Variants in NCKAP5 observed in about 807,000 individuals in gnomAD.
The protein encoded by NCKAP5 is NCK associated protein 5.
Under a neutral mutation model 167.0 loss-of-function variants are expected in NCKAP5, and 92 were observed. The ratio of observed to expected loss-of-function variants is 0.55; its 90% CI spans 0.47 to 0.66. The LOEUF is 0.66. NCKAP5 is among the 30% of genes least tolerant of loss of function. The probability of loss-of-function intolerance (pLI) is 0.00; values close to 1 mark genes in which losing one functional copy is unlikely to be tolerated. For synonymous variants in NCKAP5, 891 were observed against 877.4 expected (o/e 1.02, Z -0.27); for missense variants, 2,378 against 2,315.0 (o/e 1.03, Z -0.56).
intron 8 of NCKAP5, among the ~76,000 whole-genome samples, chr2:132,885,864 T>A (rs1018331104): frequency 2.0e-5 from 3 of 152,048 alleles, no homozygotes; most frequent in African/African-American, 7.2e-5. Context: ...GGTAGACTAC[T>A]AGCTCTACAC....
At chr2:132,868,328 A>G (rs74532358) in intron 10 of NCKAP5, among the ~76,000 whole-genome samples, 4,260 of 152,280 alleles carry the variant, frequency 0.028, 82 homozygotes, top group Non-Finnish European at 0.044. Flanking sequence ...GTCTGCCCCA[A>G]TAATGTGATC....
chr2:133,617,995 T>A, the NCKAP5 span, among the ~76,000 whole-genome samples: 2 of 151,982 alleles, frequency 1.3e-5, no homozygotes, highest in Non-Finnish European at 2.9e-5. Context: ...TCAGAAATAA[T>A]GCCCCATATC....
chr2:133,111,214 C>G (rs764435893), intron 6 of NCKAP5, among the ~76,000 whole-genome samples: 1 of 152,122 alleles, frequency 6.6e-6, no homozygotes, highest in African/African-American at 2.4e-5. Flanking sequence ...TCTGCTTTGA[C>G]CAATTTAAGT....
intron 16 of NCKAP5, among the ~76,000 whole-genome samples, chr2:132,766,278 C>CAAAAAA (rs70973405): frequency 5.2e-5 from 2 of 38,408 alleles, no homozygotes; most frequent in African/African-American, 9.1e-5. Context: ...GATTCTGTCT[C>CAAAAAA]AAAAAAAAAA....
At chr2:133,669,695 A>G in the NCKAP5 span, among the ~76,000 whole-genome samples, 1 of 152,226 alleles carries the variant, frequency 6.6e-6, no homozygotes, top group African/African-American at 2.4e-5. Flanking sequence ...AACCAAACAT[A>G]TGGCATGGGT....
intron 11 of NCKAP5, 71 bp downstream of exon 11, chr2:132,860,421 C>T: frequency 1.3e-6 from 2 of 1,516,304 alleles, no homozygotes. Flanking sequence ...ATGTTGCTAA[C>T]TTCTGAACTT....
chr2:133,155,394 C>T (rs1314355910), intron 5 of NCKAP5, among the ~76,000 whole-genome samples: 2 of 152,172 alleles, frequency 1.3e-5, no homozygotes, highest in Admixed American at 6.5e-5. Context: ...AGAATCTGCA[C>T]CTCTAACTAG....
intron 10 of NCKAP5, among the ~76,000 whole-genome samples, chr2:132,867,522 G>A (rs1306451391): frequency 6.6e-6 from 1 of 152,156 alleles, no homozygotes; most frequent in Non-Finnish European, 1.5e-5. Flanking sequence ...GATGTATGTA[G>A]TAATGTATGA....
intron 5 of NCKAP5, among the ~76,000 whole-genome samples, chr2:133,190,290 G>T (rs562549376): frequency 8.6e-4 from 131 of 152,242 alleles, no homozygotes; most frequent in Non-Finnish European, 1.6e-3. Context: ...CAAACAAATG[G>T]AAGAACATTC....
At chr2:133,205,063 T>C (rs939423236) in intron 5 of NCKAP5, among the ~76,000 whole-genome samples, 1 of 152,074 alleles carries the variant, frequency 6.6e-6, no homozygotes, top group Non-Finnish European at 1.5e-5. Flanking sequence ...CTGAGGCTGG[T>C]GGATCCCTTG....
At chr2:133,125,652 C>T (rs1384898780) in intron 6 of NCKAP5, among the ~76,000 whole-genome samples, 1 of 152,172 alleles carries the variant, frequency 6.6e-6, no homozygotes, top group Non-Finnish European at 1.5e-5. Context: ...TCACCACCTG[C>T]CTCTAACTAC....
chr2:132,895,346 C>CAAAAAAA (rs563409400), intron 8 of NCKAP5, among the ~76,000 whole-genome samples: 2 of 71,922 alleles, frequency 2.8e-5, no homozygotes, highest in African/African-American at 3.8e-5. Flanking sequence ...GACTCTGTCT[C>CAAAAAAA]AAAAAAAAAA....
chr2:133,498,292 T>C (rs552084977), intron 3 of NCKAP5, among the ~76,000 whole-genome samples: 1 of 152,192 alleles, frequency 6.6e-6, no homozygotes, highest in South Asian at 2.1e-4. Flanking sequence ...GACCCAGACA[T>C]GTTCCTGGAT....
At chr2:132,817,397 T>C (rs1686359399) in intron 11 of NCKAP5, among the ~76,000 whole-genome samples, 1 of 152,184 alleles carries the variant, frequency 6.6e-6, no homozygotes, top group African/African-American at 2.4e-5. Context: ...GGTTTATCAC[T>C]ACGTAATGGG....
At chr2:132,713,017 G>T (rs1454337120) in intron 19 of NCKAP5, among the ~76,000 whole-genome samples, 1 of 152,184 alleles carries the variant, frequency 6.6e-6, no homozygotes, top group African/African-American at 2.4e-5. Context: ...CACTGACATG[G>T]AATGATCTCC....
intron 19 of NCKAP5, among the ~76,000 whole-genome samples, chr2:132,704,467 C>T (rs527769788): frequency 6.6e-6 from 1 of 152,328 alleles, no homozygotes; most frequent in South Asian, 2.1e-4. Context: ...AACACCTGAG[C>T]TGTGATCTCT....
At chr2:133,062,300 C>CTATA (rs1198425267) in intron 6 of NCKAP5, among the ~76,000 whole-genome samples, 3 of 152,172 alleles carry the variant, frequency 2.0e-5, no homozygotes, top group Non-Finnish European at 4.4e-5. Context: ...TAACGTATCA[C>CTATA]TATATGAGGC....
the NCKAP5 span, among the ~76,000 whole-genome samples, chr2:133,584,941 AGAAGGAAGGAAG>A: frequency 8.7e-3 from 986 of 113,866 alleles, 12 homozygotes; most frequent in East Asian, 0.024. Flanking sequence ...AAAAAAAGAA[AGAAGGAAGGAAG>A]GAAGGAAGGA....
chr2:133,074,316 T>G (rs2080520164), intron 6 of NCKAP5, among the ~76,000 whole-genome samples: 1 of 151,588 alleles, frequency 6.6e-6, no homozygotes, highest in South Asian at 2.1e-4. Context: ...TTGAAATAAA[T>G]GAAAAAAAGC....
Sources: gnomAD v4.1 joint callset for allele counts (sites outside exome capture counted in the v4.1 genomes callset) on GRCh38, gnomAD v4.1.1 for gene constraint, MANE v1.5 for transcripts, NCBI Gene and HGNC (gene_info 2026-07-23, HGNC 2026-07-21) for gene names.